The following FRMPD4 variants were observed in gnomAD, a reference collection of about 807,000 sequenced individuals.
FRMPD4 encodes FERM and PDZ domain-containing protein 4.
In FRMPD4, 22 loss-of-function variants were observed where a neutral mutation model predicts 94.1. The ratio of observed to expected loss-of-function variants is 0.23; its 90% CI spans 0.17 to 0.33. The LOEUF is 0.33. Ranked by LOEUF, FRMPD4 falls within the 10% of genes least tolerant of loss-of-function variation. FRMPD4 has a pLI of 1.00. For synonymous variants in FRMPD4, 631 were observed against 548.6 expected (o/e 1.15, Z -2.10); for missense variants, 1,111 against 1,339.9 (o/e 0.83, Z 2.67).
intron 1 of FRMPD4, among the ~76,000 whole-genome samples, chrX:12,414,405 T>A (rs746946716): frequency 8.9e-6 from 1 of 112,637 alleles, no homozygotes; most frequent in East Asian, 2.8e-4. Context: ...TTTTATGAAG[T>A]GAAAAAGTTG....
At chrX:11,918,116 TCTTA>T (rs1010420977) in intron 3 of FRMPD4, among the ~76,000 whole-genome samples, 4 of 112,384 alleles carry the variant, frequency 3.6e-5, no homozygotes, top group African/African-American at 1.3e-4. Context: ...ATAGATGTTC[TCTTA>T]CTTCACTTGA....
At chrX:12,684,902 C>G (rs1181717025) in intron 6 of FRMPD4, among the ~76,000 whole-genome samples, 1 of 111,835 alleles carries the variant, frequency 8.9e-6, no homozygotes, top group African/African-American at 3.3e-5. Context: ...GAAGCCTCCA[C>G]AGCCCTGCCA....
chrX:12,501,439 CT>C (rs1332664097), intron 2 of FRMPD4, among the ~76,000 whole-genome samples: 2 of 85,199 alleles, frequency 2.3e-5, no homozygotes, highest in Non-Finnish European at 4.8e-5. Context: ...TTTTCCTTTC[CT>C]TGTTTTTTTT....
chrX:12,058,831 CGG>C (rs771963726), intron 3 of FRMPD4, among the ~76,000 whole-genome samples: 1 of 110,122 alleles, frequency 9.1e-6, no homozygotes, highest in Non-Finnish European at 1.9e-5. Flanking sequence ...AACTGGGGGA[CGG>C]GTTGCTTCTG....
At chrX:12,619,804 C>T (rs979150301) in intron 4 of FRMPD4, among the ~76,000 whole-genome samples, 2 of 111,755 alleles carry the variant, frequency 1.8e-5, no homozygotes, top group Non-Finnish European at 3.8e-5. Flanking sequence ...GTCCTGGGAC[C>T]TGCTGGGAAA....
chrX:12,716,939 C>G lies in FRMPD4; in HGVS notation c.2480C>G (p.Ala827Gly). 1 of 1,211,121 alleles carries G rather than the reference C, an allele frequency of 8.3e-7. No individual in the cohort carries two copies. Among genetic ancestry groups the G allele is most frequent in the Non-Finnish European group, 1.1e-6 (1 of 894,669 alleles). ...SSDEEDSQSQ[A>G]ASFPEDKEKG... Reference sequence around the variant, plus strand: ...GATGAAGAGGACTCTCAGAGCCAGGCAGCTTCCTTCCCCGAGGACAAGGAG... The same window carrying G: ...GATGAAGAGGACTCTCAGAGCCAGGGAGCTTCCTTCCCCGAGGACAAGGAG... The change falls in exon 15 of 17, where the codon GCA becomes GGA. Residue 827 changes from alanine (A) to glycine (G), a missense_variant. Physicochemically the swap from Ala to Gly is moderately conservative, Grantham distance 60. Coordinates refer to ENST00000675598, the MANE Select transcript of FRMPD4 (RefSeq NM_001368397.1).
At chrX:12,282,111 C>G (rs929246043) in intron 1 of FRMPD4, among the ~76,000 whole-genome samples, 6 of 112,390 alleles carry the variant, frequency 5.3e-5, no homozygotes, top group African/African-American at 1.9e-4. Context: ...GATTCTGAGT[C>G]TTGTAAACCA....
chrX:12,243,613 A>G (rs1444480043), intron 1 of FRMPD4, among the ~76,000 whole-genome samples: 1 of 109,773 alleles, frequency 9.1e-6, no homozygotes, highest in Non-Finnish European at 1.9e-5. Context: ...TTGTCATTAT[A>G]TAGCATACTA....
intron 2 of FRMPD4, among the ~76,000 whole-genome samples, chrX:12,579,445 T>C (rs1250981310): frequency 1.8e-5 from 2 of 111,729 alleles, no homozygotes; most frequent in Non-Finnish European, 3.8e-5. Context: ...CATTATGTAT[T>C]GTTTTGAGTC....
intron 2 of FRMPD4, among the ~76,000 whole-genome samples, chrX:12,592,376 C>A (rs947521719): frequency 8.9e-6 from 1 of 111,899 alleles, no homozygotes; most frequent in African/African-American, 3.2e-5. Context: ...ATTAACCTAT[C>A]TTTGGTTATA....
At chrX:12,001,136 C>T (rs1447117273) in intron 3 of FRMPD4, among the ~76,000 whole-genome samples, 2 of 111,809 alleles carry the variant, frequency 1.8e-5, no homozygotes, top group Non-Finnish European at 3.8e-5. Flanking sequence ...GTCAGGTATG[C>T]ACATAACCTT....
intron 1 of FRMPD4, among the ~76,000 whole-genome samples, chrX:12,258,362 T>A (rs1420601551): frequency 3.6e-5 from 4 of 110,731 alleles, no homozygotes; most frequent in Non-Finnish European, 7.6e-5. Context: ...TTGATAAAAA[T>A]TTGAGTTTGG....
chrX:12,390,536 C>T (rs2056460381), intron 1 of FRMPD4, among the ~76,000 whole-genome samples: 1 of 108,649 alleles, frequency 9.2e-6, no homozygotes, highest in Admixed American at 9.9e-5. Context: ...GAGTCATTTT[C>T]TCCATCACCC....
chrX:11,895,447 C>T (rs1024528825), intron 3 of FRMPD4, among the ~76,000 whole-genome samples: 3 of 111,027 alleles, frequency 2.7e-5, no homozygotes, highest in African/African-American at 9.8e-5. Flanking sequence ...ATGATGGAGC[C>T]AATCATTACT....
At chrX:12,431,255 A>G (rs763031175) in intron 1 of FRMPD4, among the ~76,000 whole-genome samples, 7 of 112,570 alleles carry the variant, frequency 6.2e-5, no homozygotes, top group Non-Finnish European at 9.4e-5. Context: ...TGCATCCCCT[A>G]TGAATATCTA....
intron 3 of FRMPD4, among the ~76,000 whole-genome samples, chrX:11,912,885 A>T (rs1007112527): frequency 2.7e-5 from 3 of 111,558 alleles, no homozygotes; most frequent in Non-Finnish European, 5.6e-5. Context: ...TGCCCCATGC[A>T]TGGGATTGGG....
intron 1 of FRMPD4, among the ~76,000 whole-genome samples, chrX:11,842,394 T>C (rs1227487472): frequency 1.0e-5 from 1 of 99,955 alleles, no homozygotes; most frequent in Non-Finnish European, 2.0e-5. Flanking sequence ...GGAATGTTCT[T>C]CCATTTCTTT....
intron 1 of FRMPD4, among the ~76,000 whole-genome samples, chrX:12,307,472 T>C (rs1208679758): frequency 8.9e-6 from 1 of 111,854 alleles, no homozygotes; most frequent in Admixed American, 9.5e-5. Flanking sequence ...CAGAGACCAA[T>C]GTTGAGCAAA....
At chrX:12,053,490 GGAAA>G (rs926229019) in intron 3 of FRMPD4, among the ~76,000 whole-genome samples, 26 of 104,611 alleles carry the variant, frequency 2.5e-4, no homozygotes, top group Admixed American at 5.2e-4. Flanking sequence ...GAAAGAAGAA[GGAAA>G]GAAAGAAAGA....
Sources: gnomAD v4.1 joint callset for allele counts (sites outside exome capture counted in the v4.1 genomes callset) on GRCh38, gnomAD v4.1.1 for gene constraint, MANE v1.5 for transcripts, NCBI Gene and HGNC (gene_info 2026-07-23, HGNC 2026-07-21) for gene names.